Variants in RAD51B observed in about 807,000 individuals in gnomAD.
The protein encoded by RAD51B is RAD51 paralog B, also known as DNA repair protein RAD51 homolog 2.
RAD51B carries 38 observed loss-of-function variants against 42.2 expected under a neutral mutation model. The ratio of observed to expected loss-of-function variants is 0.90; its 90% CI spans 0.70 to 1.18. RAD51B has a LOEUF of 1.18. RAD51B is among the 50% of genes most tolerant of loss of function. The probability of loss-of-function intolerance (pLI) is 0.00; values close to 1 mark genes in which losing one functional copy is unlikely to be tolerated. For missense variants in RAD51B, 373 were observed against 400.7 expected (o/e 0.93, Z 0.59); for synonymous variants, 154 against 145.2 (o/e 1.06, Z -0.43).
intron 7 of RAD51B, among the ~76,000 whole-genome samples, chr14:68,036,411 C>T (rs2076123739): frequency 6.6e-6 from 1 of 152,094 alleles, no homozygotes; most frequent in Admixed American, 6.6e-5. Context: ...GTATGTGCTC[C>T]CGTCAGAGTT....
rs563038984 is a variant in RAD51B, at chr14:67,925,493, G to A, written c.756+38289G>A. Among the ~76,000 whole-genome samples, 272 of 152,112 alleles carry A rather than the reference G, an allele frequency of 1.8e-3. 1 individual carries two copies. Among genetic ancestry groups the A allele is most frequent in the African/African-American group, 6.4e-3 (265 of 41,504 alleles). On this transcript the variant is annotated intron_variant, in intron 7 of 10. Transcript: ENST00000471583. ...TCACCATATTGGCCAGGTTGGTCTC[G>A]AACTCCTGACCTTGTGATCTGCCTG... is the stretch of plus-strand genomic sequence containing the variant.
chr14:68,081,914 T>C (rs1020682384), intron 7 of RAD51B, among the ~76,000 whole-genome samples: 2 of 152,136 alleles, frequency 1.3e-5, no homozygotes, highest in East Asian at 1.9e-4. Context: ...TATTTTTTTT[T>C]CCTAACAATT....
At chr14:68,595,135 G>A (rs1231265086) in exon 11 of RAD51B, 2 of 1,066,714 alleles carry the variant, frequency 1.9e-6, no homozygotes, top group African/African-American at 3.3e-5. Context: ...CATGTTAGGA[G>A]CGCTGGAACG....
chr14:67,874,094 T>G (rs533631870), intron 5 of RAD51B, among the ~76,000 whole-genome samples: 8 of 150,832 alleles, frequency 5.3e-5, no homozygotes, highest in African/African-American at 2.0e-4. Flanking sequence ...ATAATAATAA[T>G]AAATTAATTA....
chr14:68,371,526 A>G (rs1189877327), intron 8 of RAD51B, among the ~76,000 whole-genome samples: 1 of 151,862 alleles, frequency 6.6e-6, no homozygotes, highest in African/African-American at 2.4e-5. Flanking sequence ...GAAGAAAAAA[A>G]AAAGGGGTTC....
intron 7 of RAD51B, among the ~76,000 whole-genome samples, chr14:68,129,846 G>T (rs2077848059): frequency 6.6e-6 from 1 of 152,180 alleles, no homozygotes; most frequent in Admixed American, 6.5e-5. Context: ...TTTCTAACAG[G>T]TTCCTAGATG....
intron 10 of RAD51B, among the ~76,000 whole-genome samples, chr14:68,647,433 A>G (rs1478387121): frequency 4.6e-5 from 7 of 152,190 alleles, no homozygotes; most frequent in Admixed American, 4.6e-4. Context: ...TTAAAAAGTA[A>G]TAGTCTCTTC....
chr14:68,364,328 G>A (rs1434965148), intron 8 of RAD51B, among the ~76,000 whole-genome samples: 1 of 152,158 alleles, frequency 6.6e-6, no homozygotes, highest in Non-Finnish European at 1.5e-5. Context: ...TTGTGGGGAG[G>A]GCCAATTTAG....
chr14:68,300,870 T>C (rs1370717662), intron 8 of RAD51B, among the ~76,000 whole-genome samples: 1 of 152,182 alleles, frequency 6.6e-6, no homozygotes, highest in Non-Finnish European at 1.5e-5. Flanking sequence ...ATCCACTGCT[T>C]GAGCAAGGGA....
intron 8 of RAD51B, among the ~76,000 whole-genome samples, chr14:68,352,541 G>A (rs2082812351): frequency 6.6e-6 from 1 of 152,238 alleles, no homozygotes; most frequent in Non-Finnish European, 1.5e-5. Context: ...TGCCACCATA[G>A]ACCCTAATTA....
intron 7 of RAD51B, among the ~76,000 whole-genome samples, chr14:68,193,380 GT>G (rs1265558074): frequency 6.6e-6 from 1 of 152,072 alleles, no homozygotes; most frequent in African/African-American, 2.4e-5. Context: ...TTTTGTACAT[GT>G]TTTTTCCCTC....
At chr14:68,216,779 T>C (rs1008323063) in intron 7 of RAD51B, among the ~76,000 whole-genome samples, 43 of 152,284 alleles carry the variant, frequency 2.8e-4, no homozygotes, top group African/African-American at 1.0e-3. Context: ...GGGGTGTAAA[T>C]ACTTGGATAG....
At chr14:67,993,399 A>G (rs969956239) in intron 7 of RAD51B, among the ~76,000 whole-genome samples, 2 of 152,098 alleles carry the variant, frequency 1.3e-5, no homozygotes, top group Non-Finnish European at 2.9e-5. Context: ...CATGAGTTCA[A>G]TTATTTTAAT....
chr14:68,623,619 T>G (rs1892004243), intron 10 of RAD51B, among the ~76,000 whole-genome samples: 1 of 152,168 alleles, frequency 6.6e-6, no homozygotes. Flanking sequence ...TATGGGCTAG[T>G]AGTGACCCTG....
At chr14:68,303,423 G>A (rs926378596) in intron 8 of RAD51B, among the ~76,000 whole-genome samples, 5 of 146,686 alleles carry the variant, frequency 3.4e-5, no homozygotes, top group Admixed American at 1.4e-4. Flanking sequence ...AAACCTGCAC[G>A]TTCTGCACAT....
intron 7 of RAD51B, among the ~76,000 whole-genome samples, chr14:68,074,197 A>G (rs909016669): frequency 2.6e-5 from 4 of 152,168 alleles, no homozygotes; most frequent in Non-Finnish European, 5.9e-5. Context: ...ACATAATTCC[A>G]TATTTCACAG....
chr14:68,495,179 T>A (rs1292251712), intron 10 of RAD51B, among the ~76,000 whole-genome samples: 4 of 152,162 alleles, frequency 2.6e-5, no homozygotes, highest in African/African-American at 9.7e-5. Context: ...TGCCCTGCCT[T>A]GCTTCTCCTG....
chr14:68,284,984 C>T (rs900649802), intron 7 of RAD51B, among the ~76,000 whole-genome samples: 5 of 152,182 alleles, frequency 3.3e-5, no homozygotes, highest in African/African-American at 1.2e-4. Flanking sequence ...TCTCTTCCTT[C>T]TGCCTCTTGC....
intron 10 of RAD51B, among the ~76,000 whole-genome samples, chr14:68,566,772 T>G (rs1889441674): frequency 6.6e-6 from 1 of 152,172 alleles, no homozygotes; most frequent in East Asian, 1.9e-4. Context: ...AAGACTTCCT[T>G]GTGTTCTCCA....
Sources: allele counts gnomAD v4.1 joint callset (sites outside exome capture counted in the v4.1 genomes callset), GRCh38; gene constraint gnomAD v4.1.1; transcripts MANE v1.5; gene names NCBI Gene and HGNC (gene_info 2026-07-23, HGNC 2026-07-21).